Variants in ITGB5 observed in about 807,000 individuals in gnomAD.
ITGB5 encodes the protein integrin beta-5.
ITGB5 carries 38 observed loss-of-function variants against 84.8 expected under a neutral mutation model. The observed-to-expected ratio is 0.45, with a 90% CI of 0.35 to 0.59. ITGB5 has a LOEUF of 0.59. Ranked by LOEUF, ITGB5 falls within the 20% of genes least tolerant of loss-of-function variation. ITGB5 has a pLI of 0.01. For missense variants in ITGB5, 905 were observed against 1,034.5 expected (o/e 0.87, Z 1.72); for synonymous variants, 393 against 414.4 (o/e 0.95, Z 0.63).
At chr3:124,764,801 G>A (rs1271170536) in intron 13 of ITGB5, among the ~76,000 whole-genome samples, 3 of 152,262 alleles carry the variant, frequency 2.0e-5, no homozygotes, top group Non-Finnish European at 4.4e-5. Context: ...GGGCAGGGCT[G>A]CCTTTCCCCT....
chr3:124,868,344 G>A (rs2065423258), intron 2 of ITGB5, among the ~76,000 whole-genome samples: 1 of 152,190 alleles, frequency 6.6e-6, no homozygotes, highest in African/African-American at 2.4e-5. Context: ...AGAGTGTGCT[G>A]CAGAGAGGCA....
At chr3:124,896,982 C>G (rs1935116529) in intron 1 of ITGB5, among the ~76,000 whole-genome samples, 1 of 151,788 alleles carries the variant, frequency 6.6e-6, no homozygotes, top group South Asian at 2.1e-4. Context: ...TTTGAAAGAT[C>G]AAAGTATACT....
chr3:124,807,698 C>T (rs1422545910), intron 9 of ITGB5, among the ~76,000 whole-genome samples: 1 of 151,888 alleles, frequency 6.6e-6, no homozygotes, highest in African/African-American at 2.4e-5. Flanking sequence ...GTAATCCCAG[C>T]ACTTTCGGAG....
chr3:124,841,701 G>A lies in ITGB5; in HGVS notation c.612-150C>T, dbSNP rs2065014342. ...CCCCAGGACAGGCACAGCAGAGAGA[G>A]CAAAGATAAATAACATAGTTCCTGT... On this transcript the variant is annotated intron_variant, in intron 4 of 14. Coordinates refer to ENST00000296181, the MANE Select transcript of ITGB5 (RefSeq NM_002213.5). 8.6e-6 allele frequency: 6 copies of A among 697,532 alleles called. No homozygotes were observed. The South Asian group carries it at 9.7e-5, about 11-fold the overall frequency. The allele number at this position is 697,532 out of a possible 1,614,324, so 43.2% of individuals were successfully genotyped here. A position where few individuals can be genotyped will look rare whatever the true frequency, so the allele number is the denominator to read the frequency against.
intron 9 of ITGB5, among the ~76,000 whole-genome samples, chr3:124,801,812 C>G (rs1384517250): frequency 6.6e-6 from 1 of 152,238 alleles, no homozygotes; most frequent in Non-Finnish European, 1.5e-5. Context: ...GTATATTTCA[C>G]CACTGTGGCC....
rs531700956 is a variant in ITGB5, at chr3:124,789,094, T to C, written c.1693+7294A>G. Among the ~76,000 whole-genome samples the C allele has an allele frequency of 1.5e-3, 232 of 152,344 alleles. 2 individuals carry two copies. The highest frequency in any genetic ancestry group is 2.8e-3 in the Non-Finnish European group (191 of 68,032). On this transcript the variant is annotated intron_variant, in intron 10 of 14. Coordinates refer to ENST00000296181, the MANE Select transcript of ITGB5 (RefSeq NM_002213.5). ...ATGGAAGTCACCTTCAAGACAGTAC[T>C]GTAACAAGCCATTTGTGAAATATGC...
chr3:124,899,344 G>A (rs2107663238), intron 1 of ITGB5, among the ~76,000 whole-genome samples: 1 of 152,236 alleles, frequency 6.6e-6, no homozygotes, highest in Non-Finnish European at 1.5e-5. Flanking sequence ...GGAAGTTCAG[G>A]TGCAGCAAAG....
rs1428931448 is a variant in ITGB5 at position 124,819,747 on chromosome 3, G to A, written c.1030C>T (p.Leu344=). 9.3e-6 allele frequency: 15 copies of A among 1,609,188 alleles called. No homozygotes were observed. In the Admixed American group the frequency reaches 2.3e-4, roughly 25 times the overall value. The change falls in exon 7 of 15, where the codon CTG becomes TTG. Residue 344 remains leucine (L), a synonymous_variant. Coordinates refer to ENST00000296181, the MANE Select transcript of ITGB5 (RefSeq NM_002213.5). ...CCTCCCTCCCAGCATACCTTGTACA[G>A]CATATAATGGTTTTTTGTCACTGCA... The part of the protein sequence containing the change: ...IFAVTKNHYM[L]YKNFTALIPG...
rs370811075 is a variant in ITGB5 at position 124,859,288 on chromosome 3, G to A, written c.315C>T (p.Asp105=). 1.2e-5 allele frequency: 19 copies of A among 1,613,914 alleles called. No individual in the cohort carries two copies. Among genetic ancestry groups the A allele is most frequent in the East Asian group, 2.2e-5 (1 of 44,880 alleles). ...TCTCCTGTGGTGTCATCTGAATGAC[G>A]TCCCAGCCTGCAGAGCCCGAACCCT... ...SSKGSGSAGW[D]VIQMTPQEIA... Residue 105 remains aspartate (D), a synonymous_variant, in exon 3 of 15, where the codon GAC becomes GAT. Coordinates refer to ENST00000296181, the MANE Select transcript of ITGB5 (RefSeq NM_002213.5).
chr3:124,788,467 T>C (rs1343421373), intron 10 of ITGB5, among the ~76,000 whole-genome samples: 2 of 152,196 alleles, frequency 1.3e-5, no homozygotes, highest in South Asian at 4.1e-4. Context: ...GCATTGTCCT[T>C]AGCCACCCTG....
At chr3:124,863,842 A>C (rs1033692950) in intron 2 of ITGB5, among the ~76,000 whole-genome samples, 1 of 152,048 alleles carries the variant, frequency 6.6e-6, no homozygotes, top group African/African-American at 2.4e-5. Flanking sequence ...ACAAGGATAG[A>C]TGCATATTTA....
intron 1 of ITGB5, among the ~76,000 whole-genome samples, chr3:124,895,865 G>T (rs775379447): frequency 4.6e-5 from 7 of 152,134 alleles, no homozygotes; most frequent in African/African-American, 9.7e-5. Context: ...AGTCCTCATT[G>T]CCATCAATTA....
intron 4 of ITGB5, 58 bp from the exon 5 acceptor site, chr3:124,841,609 G>A: frequency 6.4e-7 from 1 of 1,568,980 alleles, no homozygotes. Flanking sequence ...TCTTAACCAA[G>A]TGTTCTGAGC....
chr3:124,856,362 C>A (rs1355754048), intron 3 of ITGB5, among the ~76,000 whole-genome samples: 1 of 152,138 alleles, frequency 6.6e-6, no homozygotes, highest in Non-Finnish European at 1.5e-5. Context: ...TAAGTCTATC[C>A]TGAAGAAGAG....
At chr3:124,845,871 T>C (rs1203041431) in intron 4 of ITGB5, among the ~76,000 whole-genome samples, 1 of 152,186 alleles carries the variant, frequency 6.6e-6, no homozygotes, top group Non-Finnish European at 1.5e-5. Flanking sequence ...GTTAAGATGC[T>C]GTTGCTCCTG....
intron 10 of ITGB5, among the ~76,000 whole-genome samples, chr3:124,779,462 C>CA (rs1243265913): frequency 6.6e-6 from 1 of 152,132 alleles, no homozygotes; most frequent in Non-Finnish European, 1.5e-5. Flanking sequence ...CCAACAGACC[C>CA]AGGAGAAGGA....
chr3:124,823,010 CA>C (rs2064730575), intron 5 of ITGB5, among the ~76,000 whole-genome samples: 1 of 152,120 alleles, frequency 6.6e-6, no homozygotes. Context: ...CCTAGAATCC[CA>C]ACACTTTGGG....
At chr3:124,885,559 T>C (rs566173466) in intron 1 of ITGB5, among the ~76,000 whole-genome samples, 12 of 152,308 alleles carry the variant, frequency 7.9e-5, no homozygotes, top group African/African-American at 2.9e-4. Flanking sequence ...AAAGAAAAAG[T>C]GCCTAATTTC....
At chr3:124,807,347 C>T (rs2064421327) in intron 9 of ITGB5, among the ~76,000 whole-genome samples, 2 of 152,160 alleles carry the variant, frequency 1.3e-5, no homozygotes, top group South Asian at 2.1e-4. Context: ...ACCTGGGAAG[C>T]GGAGGTTGCA....
Sources: gnomAD v4.1 joint callset for allele counts (sites outside exome capture counted in the v4.1 genomes callset) on GRCh38, gnomAD v4.1.1 for gene constraint, MANE v1.5 for transcripts, NCBI Gene and HGNC (gene_info 2026-07-23, HGNC 2026-07-21) for gene names.